SLC39A11: variants seen among roughly 807,000 people sequenced by gnomAD.
The protein encoded by SLC39A11 is zinc transporter ZIP11.
A neutral mutation model predicts 36.1 loss-of-function variants in SLC39A11; 33 were observed. The ratio of observed to expected loss-of-function variants is 0.91; its 90% CI spans 0.69 to 1.22. The LOEUF (loss-of-function observed/expected upper bound fraction) is 1.22, where lower values mean the gene tolerates loss of function less well. Ranked by LOEUF, SLC39A11 falls within the 50% of genes most tolerant of loss-of-function variation. The pLI is 0.00. For missense variants in SLC39A11, 432 were observed against 430.3 expected (o/e 1.00, Z -0.03); for synonymous variants, 166 against 170.3 (o/e 0.97, Z 0.20).
At chr17:72,683,919 G>T (rs573274116) in intron 7 of SLC39A11, among the ~76,000 whole-genome samples, 5 of 151,994 alleles carry the variant, frequency 3.3e-5, no homozygotes, top group Non-Finnish European at 5.9e-5. Flanking sequence ...TTTTTGAAAG[G>T]GGGGAATCAC....
intron 5 of SLC39A11, among the ~76,000 whole-genome samples, chr17:72,907,633 C>T (rs1482864324): frequency 1.3e-5 from 2 of 152,196 alleles, no homozygotes; most frequent in Non-Finnish European, 2.9e-5. Context: ...GTCATCCTTT[C>T]TCGCTTTCCT....
At chr17:73,065,755 TACAA>T (rs2059980524) in intron 3 of SLC39A11, among the ~76,000 whole-genome samples, 1 of 152,216 alleles carries the variant, frequency 6.6e-6, no homozygotes, top group South Asian at 2.1e-4. Flanking sequence ...CTCTGCCGCT[TACAA>T]ACAGAGAACA....
At chr17:73,050,316 T>G (rs1167224148) in intron 3 of SLC39A11, among the ~76,000 whole-genome samples, 1 of 84,932 alleles carries the variant, frequency 1.2e-5, no homozygotes, top group African/African-American at 4.4e-5. Flanking sequence ...GTTTGGTCTG[T>G]TTGTGGCAAA....
intron 6 of SLC39A11, among the ~76,000 whole-genome samples, chr17:72,791,407 G>A: frequency 6.6e-6 from 1 of 152,228 alleles, no homozygotes; most frequent in Non-Finnish European, 1.5e-5. Flanking sequence ...AGCTGAGATA[G>A]TGTCACTGCA....
intron 3 of SLC39A11, chr17:73,068,151 G>A: frequency 7.7e-7 from 1 of 1,296,038 alleles, no homozygotes; most frequent in Admixed American, 1.9e-5. Context: ...TCGCCAGCAG[G>A]TTCCTCTGTT....
At chr17:72,710,678 C>A (rs2143293266) in intron 7 of SLC39A11, among the ~76,000 whole-genome samples, 1 of 152,284 alleles carries the variant, frequency 6.6e-6, no homozygotes, top group Admixed American at 6.5e-5. Flanking sequence ...CATGAATGAA[C>A]TAAGACAATC....
chr17:73,031,583 G>A lies in SLC39A11; in HGVS notation c.279C>T (p.Tyr93=). The change falls in exon 4 of 10, where the codon TAC becomes TAT. Residue 93 remains tyrosine, a synonymous_variant. Transcript: ENST00000255559. ...AGTGAGGCATCAGGAGGTCAGCCAA[G>A]TAGACAAAAGCCGCTCCAAGGGTGA... The part of the protein sequence containing the change: ...VGFTLGAAFV[Y]LADLLMPHLG... 1 of 1,614,184 alleles carries A rather than the reference G, an allele frequency of 6.2e-7. No homozygotes were observed. Among genetic ancestry groups the A allele is most frequent in the African/African-American group, 1.3e-5 (1 of 75,048 alleles).
rs144624869 is a variant in SLC39A11, at chr17:72,990,573, C to T, written c.306+40983G>A. On this transcript the variant is annotated intron_variant, in intron 4 of 9. Coordinates refer to ENST00000255559, the MANE Select transcript of SLC39A11 (RefSeq NM_139177.4). ...GCGAGGAGCTGGAGCTACAGGTGCACGCCACCAGGTCCAGCTAATTTTTTT... is the reference window on the plus strand; with the variant it reads ...GCGAGGAGCTGGAGCTACAGGTGCATGCCACCAGGTCCAGCTAATTTTTTT... Among the ~76,000 whole-genome samples the T allele has an allele frequency of 7.1e-3, 1,086 of 152,220 alleles. 56 individuals are homozygous for T. Among genetic ancestry groups the T allele is most frequent in the Admixed American group, 0.064 (981 of 15,274 alleles).
At chr17:73,063,328 A>C (rs2059903590) in intron 3 of SLC39A11, among the ~76,000 whole-genome samples, 1 of 152,210 alleles carries the variant, frequency 6.6e-6, no homozygotes, top group Non-Finnish European at 1.5e-5. Flanking sequence ...ACCCCTTATG[A>C]AATAATTACT....
intron 7 of SLC39A11, among the ~76,000 whole-genome samples, chr17:72,697,558 G>A (rs1385713216): frequency 6.6e-6 from 1 of 152,008 alleles, no homozygotes; most frequent in Non-Finnish European, 1.5e-5. Flanking sequence ...CCATCTCAAC[G>A]AAGCCCAAAA....
At chr17:72,875,108 T>G (rs2080827873) in intron 5 of SLC39A11, among the ~76,000 whole-genome samples, 1 of 152,116 alleles carries the variant, frequency 6.6e-6, no homozygotes, top group African/African-American at 2.4e-5. Context: ...AGGGTTATTT[T>G]GGGAAGAAAA....
At chr17:72,678,085 C>T (rs190181012) in intron 7 of SLC39A11, among the ~76,000 whole-genome samples, 564 of 152,298 alleles carry the variant, frequency 3.7e-3, no homozygotes, top group Middle Eastern at 0.027. Flanking sequence ...GTTTCAATGG[C>T]ATTTTGGGCA....
At chr17:72,796,672 G>A (rs912157101) in intron 6 of SLC39A11, among the ~76,000 whole-genome samples, 28 of 152,272 alleles carry the variant, frequency 1.8e-4, no homozygotes, top group African/African-American at 6.7e-4. Context: ...TGTGCCCAGA[G>A]CAAACCACAC....
chr17:72,712,307 C>T (rs889320954), intron 7 of SLC39A11, among the ~76,000 whole-genome samples: 11 of 152,226 alleles, frequency 7.2e-5, no homozygotes, highest in Non-Finnish European at 1.2e-4. Context: ...TTGAGCTAGC[C>T]TGCCGGGGGA....
At chr17:73,087,550 G>C (rs1271173398) in intron 2 of SLC39A11, among the ~76,000 whole-genome samples, 1 of 152,202 alleles carries the variant, frequency 6.6e-6, no homozygotes, top group African/African-American at 2.4e-5. Flanking sequence ...GGGTGATCTG[G>C]GTTGGAGAAA....
intron 7 of SLC39A11, among the ~76,000 whole-genome samples, chr17:72,699,535 T>C (rs2072503065): frequency 6.6e-6 from 1 of 152,236 alleles, no homozygotes; most frequent in Admixed American, 6.5e-5. Flanking sequence ...CTGCAATGTG[T>C]GCTGGTCTAT....
intron 3 of SLC39A11, among the ~76,000 whole-genome samples, chr17:73,050,054 G>A (rs1485346859): frequency 6.6e-6 from 1 of 152,158 alleles, no homozygotes; most frequent in Non-Finnish European, 1.5e-5. Context: ...CCGGGAAGAA[G>A]AGGTTGCAGT....
chr17:72,879,433 T>C (rs1375118301), intron 5 of SLC39A11, among the ~76,000 whole-genome samples: 1 of 152,252 alleles, frequency 6.6e-6, no homozygotes, highest in Non-Finnish European at 1.5e-5. Context: ...AGGAACTGTA[T>C]GCTAGAATGC....
At chr17:72,729,429 ATATATATATATATATATATATATATATAT>A (rs1170406262) in intron 7 of SLC39A11, among the ~76,000 whole-genome samples, 50 of 3,142 alleles carry the variant, frequency 0.016, 1 homozygote, top group Non-Finnish European at 0.025. Flanking sequence ...ATATATATAT[ATATATATATATATATATATATATATATAT>A]TTTTTTTTTT....
Sources: gnomAD v4.1 joint callset for allele counts (sites outside exome capture counted in the v4.1 genomes callset) on GRCh38, gnomAD v4.1.1 for gene constraint, MANE v1.5 for transcripts, NCBI Gene and HGNC (gene_info 2026-07-23, HGNC 2026-07-21) for gene names.